AMPD1: variants seen among roughly 807,000 people sequenced by gnomAD.
The protein encoded by AMPD1 is AMP deaminase 1.
In AMPD1, 74 loss-of-function variants were observed where a neutral mutation model predicts 82.9. That is an observed-to-expected ratio of 0.89 (90% CI 0.74 to 1.08). The LOEUF (loss-of-function observed/expected upper bound fraction) is 1.08. AMPD1 is among the 50% of genes least tolerant of loss of function. The pLI is 0.00. For synonymous variants in AMPD1, 333 were observed against 320.5 expected, an observed-to-expected ratio of 1.04 and a Z score of -0.42; for missense variants, 881 against 924.5, an observed-to-expected ratio of 0.95 and a Z score of 0.61.
intron 5 of AMPD1, among the ~76,000 whole-genome samples, chr1:114,681,424 A>G (rs1003861510): frequency 3.3e-5 from 5 of 151,868 alleles, no homozygotes; most frequent in African/African-American, 1.2e-4. Flanking sequence ...GTGAAACCTC[A>G]TCTCCACTAA....
chr1:114,676,094 G>T, intron 10 of AMPD1, 91 bp from the exon 11 acceptor site: 3 of 1,456,766 alleles, frequency 2.1e-6, no homozygotes, highest in Non-Finnish European at 2.9e-6. Context: ...CGAATGTCAT[G>T]CACAGGAAAA....
chr1:114,682,676 T>C (rs1229768209), intron 5 of AMPD1, among the ~76,000 whole-genome samples: 1 of 152,112 alleles, frequency 6.6e-6, no homozygotes, highest in African/African-American at 2.4e-5. Flanking sequence ...CCTCCCGGGT[T>C]CACGCCATTC....
At chr1:114,686,646 A>G in intron 4 of AMPD1, 99 bp downstream of exon 4, 1 of 1,289,760 alleles carries the variant, frequency 7.8e-7, no homozygotes, top group Non-Finnish European at 1.1e-6. Context: ...AGGTGAGCTA[A>G]TACCTCCCTC....
rs528816067 is a variant in AMPD1 at position 114,680,467 on chromosome 1, G to A, written c.559C>T (p.Pro187Ser). ...NESFYPVFTP[P>S]VKKGEDPFRT... is the part of the protein sequence containing the mutation. ...AAGGGGTCCTCTCCCTTCTTCACAG[G>A]AGGAGTAAAGACTTTTTCAATCAAA... The change falls in exon 6 of 16, where the codon CCT becomes TCT. Residue 187 changes from proline to serine, a missense_variant. Physicochemically the swap from Pro to Ser is moderately conservative, Grantham distance 74. Transcript: ENST00000520113. 1 of 1,614,042 alleles carries A rather than the reference G, an allele frequency of 6.2e-7. No individual in the cohort carries two copies. Among genetic ancestry groups the A allele is most frequent in the South Asian group, 1.1e-5 (1 of 91,074 alleles).
intron 5 of AMPD1, among the ~76,000 whole-genome samples, chr1:114,682,735 C>T (rs998218519): frequency 3.9e-5 from 6 of 152,214 alleles, no homozygotes; most frequent in Non-Finnish European, 8.8e-5. Flanking sequence ...CCCGCCACCA[C>T]GCCTGGCTAA....
chr1:114,674,770 A>C lies in AMPD1; in HGVS notation c.1782T>G (p.His594Gln). Residue 594 changes from histidine to glutamine, a missense_variant, in exon 13 of 16, where the codon CAT (histidine) becomes CAG (glutamine). Physicochemically the swap from His to Gln is conservative, Grantham distance 24. This residue lies in a region of AMPD1 where 783 missense variants were observed against 786.4 expected (regional missense o/e 1.00). Coordinates refer to ENST00000520113, the MANE Select transcript of AMPD1 (RefSeq NM_000036.3). ...AACTCACCTTTTTTAAATTTAGGCC[A>C]TGAGAGATATCATCTGCTATCATGA... ...TAFMIADDISHGLNLKKSPVL... is the reference protein window; with the variant it reads ...TAFMIADDISQGLNLKKSPVL... 1 of 1,613,850 alleles carries C rather than the reference A, an allele frequency of 6.2e-7. No individual in the cohort carries two copies. The highest frequency in any genetic ancestry group is 8.5e-7 in the Non-Finnish European group (1 of 1,179,708).
At chr1:114,689,863 A>G (rs566568397) in intron 2 of AMPD1, among the ~76,000 whole-genome samples, 2 of 152,330 alleles carry the variant, frequency 1.3e-5, no homozygotes, top group East Asian at 1.9e-4. Flanking sequence ...GGTGATGGCC[A>G]TCAAGTATCT....
At chr1:114,686,176 T>C (rs114912995) in intron 4 of AMPD1, among the ~76,000 whole-genome samples, 137 of 152,334 alleles carry the variant, frequency 9.0e-4, no homozygotes, top group African/African-American at 2.9e-3. Context: ...TGTAATGAAA[T>C]TGGAGAGTTC....
chr1:114,674,653 T>G lies in AMPD1; in HGVS notation c.1800+99A>C, dbSNP rs569627859. On this transcript the variant is annotated intron_variant, in intron 13 of 15. Transcript: ENST00000520113. ...TCTTTTATGCTCTACTTGATTATGA[T>G]TGCAGTGTCGATAATGACTTGTGAC... The G allele has an allele frequency of 3.8e-5, 54 of 1,415,050 alleles. No individual in the cohort carries two copies. In the Admixed American group the frequency reaches 9.5e-4, roughly 25 times the overall value. The allele number at this position is 1,415,050 out of a possible 1,614,324, so 87.7% of individuals were successfully genotyped here.
At chr1:114,690,057 C>G (rs538118345) in intron 2 of AMPD1, among the ~76,000 whole-genome samples, 1 of 152,118 alleles carries the variant, frequency 6.6e-6, no homozygotes, top group South Asian at 2.1e-4. Context: ...GATGACAGAG[C>G]AAACTGTATG....
chr1:114,685,028 G>T (rs1251202661), intron 4 of AMPD1, among the ~76,000 whole-genome samples: 1 of 152,272 alleles, frequency 6.6e-6, no homozygotes, highest in African/African-American at 2.4e-5. Context: ...GTTGGGCCAG[G>T]CATGCCCAAG....
chr1:114,680,473 T>C lies in AMPD1; in HGVS notation c.553A>G (p.Thr185Ala), dbSNP rs907473362. The C allele has an allele frequency of 6.2e-7, 1 of 1,613,582 alleles. No individual in the cohort carries two copies. The highest frequency in any genetic ancestry group is 1.7e-5 in the Admixed American group (1 of 59,976). Residue 185 changes from threonine to alanine, a missense_variant, in exon 6 of 16, where the codon ACT becomes GCT. This residue lies in a region of AMPD1 where 783 missense variants were observed against 786.4 expected (regional missense o/e 1.00). Coordinates refer to ENST00000520113, the MANE Select transcript of AMPD1 (RefSeq NM_000036.3). ...VANESFYPVF[T>A]PPVKKGEDPF... ...TCCTCTCCCTTCTTCACAGGAGGAG[T>C]AAAGACTTTTTCAATCAAACACAGA... is the stretch of plus-strand genomic sequence containing the variant.
At chr1:114,686,370 C>T (rs1246734469) in intron 4 of AMPD1, among the ~76,000 whole-genome samples, 1 of 152,018 alleles carries the variant, frequency 6.6e-6, no homozygotes, top group African/African-American at 2.4e-5. Flanking sequence ...TTCTTTTCCC[C>T]AGAGACTCCG....
At chr1:114,677,763 T>G in intron 9 of AMPD1, 147 bp downstream of exon 9, 1 of 447,466 alleles carries the variant, frequency 2.2e-6, no homozygotes, top group Non-Finnish European at 4.4e-6. Flanking sequence ...GATCGCTCCC[T>G]CCCTCCCTCC....
At chr1:114,683,071 G>T (rs1365400649) in intron 5 of AMPD1, 1 of 407,704 alleles carries the variant, frequency 2.5e-6, no homozygotes, top group Non-Finnish European at 4.8e-6. Context: ...TTATATAATA[G>T]AAATCTGTAA....
Position 114,680,350 on chromosome 1 carries a change from T to C in AMPD1, c.676A>G (p.Lys226Glu). The change falls in exon 6 of 16, where the codon AAA becomes GAA. Residue 226 changes from lysine to glutamate, a missense_variant. Lys to Glu is a moderately conservative substitution (Grantham distance 56, BLOSUM62 1). Coordinates refer to ENST00000520113, the MANE Select transcript of AMPD1 (RefSeq NM_000036.3). ...YVYPNEAAVSKDEPKPLPYPN... is the reference protein window; with the variant it reads ...YVYPNEAAVSEDEPKPLPYPN... The stretch of plus-strand genomic sequence containing the variant: ...TAAGGAAGTGGCTTAGGCTCATCTT[T>C]GCTGACTGCTGCTTCATTAGGATAG... 6.2e-7 allele frequency: 1 copy of C among 1,614,242 alleles called. No homozygotes were observed. The highest frequency in any genetic ancestry group is 8.5e-7 in the Non-Finnish European group (1 of 1,180,044).
intron 1 of AMPD1, among the ~76,000 whole-genome samples, 174 bp from the exon 2 acceptor site, chr1:114,693,621 C>G (rs939856024): frequency 6.6e-6 from 1 of 152,184 alleles, no homozygotes; most frequent in African/African-American, 2.4e-5. Context: ...GGTCATTATA[C>G]AGCTCTTCAT....
At chr1:114,684,059 C>T (rs1356149063) in intron 5 of AMPD1, 140 bp downstream of exon 5, 16 of 877,338 alleles carry the variant, frequency 1.8e-5, no homozygotes, top group Non-Finnish European at 2.6e-5. Context: ...TGATTGGACA[C>T]GTGAGGAAAT....
chr1:114,683,388 G>A (rs1403515613), intron 5 of AMPD1, among the ~76,000 whole-genome samples: 1 of 152,072 alleles, frequency 6.6e-6, no homozygotes, highest in Non-Finnish European at 1.5e-5. Context: ...AGAACCAACA[G>A]TATAAAAATG....
Sources: allele counts gnomAD v4.1 joint callset (sites outside exome capture counted in the v4.1 genomes callset), GRCh38; gene constraint gnomAD v4.1.1; regional missense constraint gnomAD v4.1.1; transcripts MANE v1.5; gene names NCBI Gene and HGNC (gene_info 2026-07-23, HGNC 2026-07-21).